GRM7: variants seen among roughly 807,000 people sequenced by gnomAD.
The protein encoded by GRM7 is glutamate metabotropic receptor 7, also known as metabotropic glutamate receptor 7.
A neutral mutation model predicts 84.5 loss-of-function variants in GRM7; 35 were observed. The observed-to-expected ratio is 0.41, with a 90% CI of 0.32 to 0.55. GRM7 has a LOEUF of 0.55. Ranked by LOEUF, GRM7 falls within the 20% of genes least tolerant of loss-of-function variation. GRM7 has a pLI of 0.19. For missense variants in GRM7, 1,003 were observed against 1,194.6 expected, an observed-to-expected ratio of 0.84 and a Z score of 2.36; for synonymous variants, 487 against 455.1, an observed-to-expected ratio of 1.07 and a Z score of -0.89.
At chr3:7,561,813 T>C (rs1051177712) in intron 7 of GRM7, among the ~76,000 whole-genome samples, 6 of 152,182 alleles carry the variant, frequency 3.9e-5, no homozygotes, top group Non-Finnish European at 7.4e-5. Context: ...AATAGTCTAA[T>C]TGAATTTTTA....
At chr3:7,085,381 C>T (rs560855743) in intron 1 of GRM7, among the ~76,000 whole-genome samples, 1 of 152,102 alleles carries the variant, frequency 6.6e-6, no homozygotes, top group African/African-American at 2.4e-5. Context: ...TAACAATATG[C>T]CTGAATTTAT....
chr3:7,641,101 G>A (rs552610287), intron 8 of GRM7, among the ~76,000 whole-genome samples: 1 of 152,288 alleles, frequency 6.6e-6, no homozygotes, highest in East Asian at 1.9e-4. Context: ...TTTAGTTAGT[G>A]AAAGGAAAAA....
chr3:6,961,842 C>T (rs1197383914), intron 1 of GRM7, among the ~76,000 whole-genome samples: 1 of 152,042 alleles, frequency 6.6e-6, no homozygotes, highest in Non-Finnish European at 1.5e-5. Flanking sequence ...TCTGTATGCT[C>T]AGCATATGGA....
intron 1 of GRM7, among the ~76,000 whole-genome samples, chr3:7,039,922 C>A (rs1319433748): frequency 6.6e-6 from 1 of 152,118 alleles, no homozygotes; most frequent in Non-Finnish European, 1.5e-5. Context: ...AAAACGAAGG[C>A]ATTTTAAAAA....
intron 2 of GRM7, among the ~76,000 whole-genome samples, chr3:7,287,443 C>T (rs1032343646): frequency 1.3e-5 from 2 of 152,120 alleles, no homozygotes; most frequent in African/African-American, 2.4e-5. Context: ...ACAACTCAGT[C>T]GATCTTCTGG....
chr3:7,380,294 G>A (rs1694533487), intron 4 of GRM7, among the ~76,000 whole-genome samples: 1 of 152,130 alleles, frequency 6.6e-6, no homozygotes, highest in Admixed American at 6.5e-5. Context: ...GTGTTATTAA[G>A]GCAATGAGAT....
At chr3:7,542,789 G>A (rs1692950558) in intron 7 of GRM7, among the ~76,000 whole-genome samples, 1 of 152,036 alleles carries the variant, frequency 6.6e-6, no homozygotes, top group Admixed American at 6.6e-5. Context: ...CTCGTGATCT[G>A]CCTGCCTCGG....
At chr3:7,125,795 T>C (rs1261451994) in intron 1 of GRM7, among the ~76,000 whole-genome samples, 2 of 152,202 alleles carry the variant, frequency 1.3e-5, no homozygotes, top group Admixed American at 1.3e-4. Flanking sequence ...GGGCTGTCTT[T>C]TTTGTTCACA....
intron 4 of GRM7, among the ~76,000 whole-genome samples, chr3:7,325,346 A>G (rs572533513): frequency 7.2e-5 from 11 of 152,346 alleles, no homozygotes; most frequent in Middle Eastern, 3.4e-3. Flanking sequence ...CTCTAGAGCA[A>G]AGCTTCTCAA....
Position 7,105,473 on chromosome 3 carries a change from G to A in GRM7, c.520-40979G>A, listed in dbSNP as rs191994964. Among the ~76,000 whole-genome samples the A allele has an allele frequency of 2.1e-3, 318 of 151,858 alleles. 1 individual carries two copies. The highest frequency in any genetic ancestry group is 3.7e-3 in the Non-Finnish European group (249 of 67,834). ...CAGTGTTAGATCTTCATGAATTTTGGCATTTTTTCCTGCATACCTTAGTAG... is the reference window on the plus strand; with the variant it reads ...CAGTGTTAGATCTTCATGAATTTTGACATTTTTTCCTGCATACCTTAGTAG... On this transcript the variant is annotated intron_variant, in intron 1 of 9. Coordinates refer to ENST00000357716, the MANE Select transcript of GRM7 (RefSeq NM_000844.4).
intron 8 of GRM7, chr3:7,607,633 G>C (rs1459966033): frequency 6.6e-6 from 1 of 150,992 alleles, no homozygotes; most frequent in Non-Finnish European, 1.5e-5. Flanking sequence ...CTGTTGCACA[G>C]AGAAAATTGG....
chr3:6,888,054 C>T (rs1695773658), intron 1 of GRM7, among the ~76,000 whole-genome samples: 1 of 152,074 alleles, frequency 6.6e-6, no homozygotes, highest in Non-Finnish European at 1.5e-5. Context: ...TGTTCATGTC[C>T]CTTGCCCACT....
chr3:7,669,575 C>T (rs1247442570), intron 8 of GRM7, among the ~76,000 whole-genome samples: 2 of 152,186 alleles, frequency 1.3e-5, no homozygotes, highest in Non-Finnish European at 2.9e-5. Flanking sequence ...CTAGAAGAAT[C>T]CTGCCTCTCA....
intron 1 of GRM7, among the ~76,000 whole-genome samples, chr3:6,887,772 T>C (rs1000573903): frequency 5.9e-5 from 9 of 152,160 alleles, no homozygotes; most frequent in Non-Finnish European, 1.0e-4. Flanking sequence ...GGTCAAATGG[T>C]ATTTCTAGTT....
At chr3:7,518,823 C>G (rs1700486694) in intron 7 of GRM7, among the ~76,000 whole-genome samples, 1 of 152,200 alleles carries the variant, frequency 6.6e-6, no homozygotes, top group South Asian at 2.1e-4. Context: ...CCTCAATCTT[C>G]CTAAGTGAAA....
In GRM7 at chr3:7,705,096, T is replaced by C. The variant is rs148043470; in HGVS notation, c.2698+24801T>C. Among the ~76,000 whole-genome samples, 6 of 152,096 alleles carry C rather than the reference T, an allele frequency of 3.9e-5. No homozygotes were observed. The East Asian group carries it at 1.2e-3, about 30-fold the overall frequency. ...TCTAGAGGGTGATCCCTCTAGAGTATCTCATATACTCTACACATTTCTGAA... is the reference window on the plus strand; with the variant it reads ...TCTAGAGGGTGATCCCTCTAGAGTACCTCATATACTCTACACATTTCTGAA... On this transcript the variant is annotated intron_variant, in intron 9 of 9. Transcript: ENST00000357716.
chr3:7,341,286 G>T (rs962411618), intron 4 of GRM7, among the ~76,000 whole-genome samples: 1 of 152,078 alleles, frequency 6.6e-6, no homozygotes, highest in Non-Finnish European at 1.5e-5. Context: ...TTTAAGCAAT[G>T]ATAGGAGACT....
At chr3:7,120,455 G>GA in intron 1 of GRM7, among the ~76,000 whole-genome samples, 1 of 152,178 alleles carries the variant, frequency 6.6e-6, no homozygotes, top group Non-Finnish European at 1.5e-5. Flanking sequence ...CAATAAACTT[G>GA]TTATAGAAAT....
intron 9 of GRM7, among the ~76,000 whole-genome samples, chr3:7,729,987 G>C (rs1410122729): frequency 1.4e-5 from 2 of 146,756 alleles, no homozygotes; most frequent in Non-Finnish European, 3.0e-5. Context: ...CAATTCTCCT[G>C]CCTCAGTCTC....
Sources: allele counts gnomAD v4.1 joint callset (sites outside exome capture counted in the v4.1 genomes callset), GRCh38; gene constraint gnomAD v4.1.1; transcripts MANE v1.5; gene names NCBI Gene and HGNC (gene_info 2026-07-23, HGNC 2026-07-21).